Variants in KDM4C observed in about 807,000 individuals in gnomAD.
The protein encoded by KDM4C is lysine-specific demethylase 4C.
A neutral mutation model predicts 129.3 loss-of-function variants in KDM4C; 81 were observed. That is an observed-to-expected ratio of 0.63 (90% CI 0.52 to 0.75). The LOEUF (loss-of-function observed/expected upper bound fraction) is 0.75, where lower values mean the gene tolerates loss of function less well. Among genes scored for constraint, KDM4C ranks in the 30% least tolerant of loss-of-function variants. KDM4C has a pLI of 0.00. For missense variants in KDM4C, 1,457 were observed against 1,304.0 expected (o/e 1.12, Z -1.81); for synonymous variants, 573 against 456.1 (o/e 1.26, Z -3.26).
intron 19 of KDM4C, among the ~76,000 whole-genome samples, chr9:7,132,225 GA>G (rs1840721133): frequency 1.3e-5 from 2 of 152,172 alleles, no homozygotes; most frequent in Admixed American, 1.3e-4. Flanking sequence ...CTTTAGTAAA[GA>G]AAGTTACATT....
At chr9:6,725,801 C>T (rs1255384380) in intron 1 of KDM4C, among the ~76,000 whole-genome samples, 20 of 150,826 alleles carry the variant, frequency 1.3e-4, no homozygotes, top group Non-Finnish European at 2.7e-4. Context: ...CCTCCACCTC[C>T]GTGGTTCAAG....
At chr9:7,073,314 G>C (rs1042020568) in intron 17 of KDM4C, among the ~76,000 whole-genome samples, 2 of 152,188 alleles carry the variant, frequency 1.3e-5, no homozygotes, top group African/African-American at 2.4e-5. Flanking sequence ...GATTAAATGA[G>C]ATATATGCGA....
intron 19 of KDM4C, among the ~76,000 whole-genome samples, chr9:7,149,118 C>T (rs1006743229): frequency 3.3e-5 from 5 of 152,230 alleles, no homozygotes; most frequent in South Asian, 2.1e-4. Flanking sequence ...CATGCCGAGC[C>T]GCCCTCAGGC....
intron 17 of KDM4C, among the ~76,000 whole-genome samples, chr9:7,078,793 G>A (rs1834205570): frequency 6.6e-6 from 1 of 152,110 alleles, no homozygotes; most frequent in African/African-American, 2.4e-5. Flanking sequence ...TTATCTGTTG[G>A]ATGTAACTTA....
chr9:7,019,955 C>G (rs531627507), intron 15 of KDM4C, among the ~76,000 whole-genome samples: 1 of 151,360 alleles, frequency 6.6e-6, no homozygotes, highest in Non-Finnish European at 1.5e-5. Context: ...TTTTTATTTT[C>G]CAATTCTAAA....
chr9:6,973,696 G>C (rs1241718389), intron 8 of KDM4C: 1 of 152,092 alleles, frequency 6.6e-6, no homozygotes, highest in Non-Finnish European at 1.5e-5. Flanking sequence ...ATTTTATTAT[G>C]CATGCATAGC....
intron 1 of KDM4C, among the ~76,000 whole-genome samples, chr9:6,722,574 C>T (rs906863836): frequency 7.3e-5 from 11 of 151,090 alleles, no homozygotes; most frequent in African/African-American, 2.2e-4. Flanking sequence ...AGTGCAATGG[C>T]GCGATCTCGG....
chr9:6,787,304 C>G (rs751850125), intron 1 of KDM4C, among the ~76,000 whole-genome samples: 47 of 152,316 alleles, frequency 3.1e-4, no homozygotes, highest in Non-Finnish European at 5.9e-4. Flanking sequence ...ACCGTCTTGG[C>G]TCACTGCAAC....
intron 19 of KDM4C, among the ~76,000 whole-genome samples, chr9:7,149,381 G>A (rs1842521295): frequency 6.6e-6 from 1 of 152,228 alleles, no homozygotes; most frequent in African/African-American, 2.4e-5. Flanking sequence ...GCCGGGGCAG[G>A]GGCCTTCCTG....
At chr9:7,130,893 G>T (rs1310729662) in intron 19 of KDM4C, among the ~76,000 whole-genome samples, 1 of 151,670 alleles carries the variant, frequency 6.6e-6, no homozygotes, top group Non-Finnish European at 1.5e-5. Context: ...TGAGTAGCTG[G>T]GACCACAGCC....
At chr9:7,026,245 A>G (rs938149539) in intron 15 of KDM4C, among the ~76,000 whole-genome samples, 2 of 151,546 alleles carry the variant, frequency 1.3e-5, no homozygotes, top group African/African-American at 4.8e-5. Context: ...TCCCTTTAGC[A>G]TTTATTGTAG....
intron 1 of KDM4C, among the ~76,000 whole-genome samples, chr9:6,784,572 T>C: frequency 6.6e-6 from 1 of 151,980 alleles, no homozygotes; most frequent in East Asian, 1.9e-4. Context: ...GAAAAAAAAA[T>C]CCTTTTGGTC....
At chr9:7,064,592 T>C (rs892272833) in intron 17 of KDM4C, among the ~76,000 whole-genome samples, 12 of 152,196 alleles carry the variant, frequency 7.9e-5, no homozygotes, top group African/African-American at 2.7e-4. Context: ...AGCTGGGTGA[T>C]TGGTCCTGCA....
intron 8 of KDM4C, among the ~76,000 whole-genome samples, chr9:6,979,830 T>C (rs1479626059): frequency 6.6e-6 from 1 of 152,022 alleles, no homozygotes; most frequent in Non-Finnish European, 1.5e-5. Flanking sequence ...GGTGAAGACA[T>C]AGGGAGTGTC....
chr9:6,847,827 C>A (rs1049230195), intron 4 of KDM4C, among the ~76,000 whole-genome samples: 17 of 152,140 alleles, frequency 1.1e-4, no homozygotes, highest in African/African-American at 4.1e-4. Context: ...AGTTATGTTA[C>A]CTGAGTCAGA....
intron 12 of KDM4C, among the ~76,000 whole-genome samples, chr9:7,010,122 A>G (rs181880196): frequency 3.3e-5 from 5 of 152,330 alleles, no homozygotes; most frequent in African/African-American, 7.2e-5. Flanking sequence ...TAGCTGTAGT[A>G]TATCCTATGC....
chr9:7,141,328 T>G (rs1276221528), intron 19 of KDM4C, among the ~76,000 whole-genome samples: 1 of 151,858 alleles, frequency 6.6e-6, no homozygotes, highest in African/African-American at 2.4e-5. Context: ...ATACAGACTA[T>G]AAGAGACTAT....
chr9:6,962,432 A>G (rs1830191731), intron 8 of KDM4C, among the ~76,000 whole-genome samples: 1 of 152,220 alleles, frequency 6.6e-6, no homozygotes, highest in Non-Finnish European at 1.5e-5. Flanking sequence ...TGCAATTTTC[A>G]GCTTCTGAGA....
At chr9:6,853,843 TAG>T (rs1241938195) in intron 5 of KDM4C, among the ~76,000 whole-genome samples, 3 of 152,188 alleles carry the variant, frequency 2.0e-5, no homozygotes, top group Non-Finnish European at 4.4e-5. Flanking sequence ...GGGAATGACT[TAG>T]GGCAAATCAC....
Sources: gnomAD v4.1 joint callset for allele counts (sites outside exome capture counted in the v4.1 genomes callset) on GRCh38, gnomAD v4.1.1 for gene constraint, MANE v1.5 for transcripts, NCBI Gene and HGNC (gene_info 2026-07-23, HGNC 2026-07-21) for gene names.